The following RXRA variants were observed in gnomAD, a reference collection of about 807,000 sequenced individuals.
RXRA encodes retinoic acid receptor RXR-alpha.
In RXRA, 5 loss-of-function variants were observed where a neutral mutation model predicts 44.5. The ratio of observed to expected loss-of-function variants is 0.11; its 90% CI spans 0.06 to 0.24. RXRA has a LOEUF of 0.24. Among genes scored for constraint, RXRA ranks in the 10% least tolerant of loss-of-function variants. The pLI, the probability that RXRA is intolerant of heterozygous loss-of-function variation, is 1.00. For synonymous variants in RXRA, 291 were observed against 271.4 expected (o/e 1.07, Z -0.71); for missense variants, 412 against 646.5 (o/e 0.64, Z 3.93).
chr9:134,430,660 G>T (rs1490542834), intron 7 of RXRA, among the ~76,000 whole-genome samples: 2 of 152,192 alleles, frequency 1.3e-5, no homozygotes, highest in African/African-American at 4.8e-5. Flanking sequence ...GGGCTGCAGG[G>T]TGCAGTGTGC....
chr9:134,328,473 A>G (rs542965683), intron 1 of RXRA, among the ~76,000 whole-genome samples: 60 of 152,196 alleles, frequency 3.9e-4, no homozygotes, highest in African/African-American at 1.4e-3. Flanking sequence ...CTCCCCTGCC[A>G]CAAGGAAGCT....
rs1296050278 is a variant in RXRA at position 134,422,537 on chromosome 9, C to T, written c.910+732C>T. ...CCCGGGACACTCCCCCCTTCCGGGA[C>T]ACTCCCCCCTCCTGGGACAGTCCCC... is the stretch of plus-strand genomic sequence containing the variant. On this transcript the variant is annotated intron_variant, in intron 6 of 9. Transcript: ENST00000481739. 39 of 1,226,664 alleles carry T rather than the reference C, an allele frequency of 3.2e-5. No individual in the cohort carries two copies. In the African/African-American group the frequency reaches 5.6e-4, roughly 18 times the overall value. 76.0% of individuals were successfully genotyped at this position (1,226,664 alleles called of 1,614,324 possible).
intron 4 of RXRA, among the ~76,000 whole-genome samples, chr9:134,414,335 C>T (rs769509802): frequency 3.3e-5 from 5 of 152,274 alleles, no homozygotes; most frequent in Non-Finnish European, 7.3e-5. Context: ...GGGGCTACCT[C>T]TGAGCAGGAG....
At chr9:134,358,662 C>T (rs181986857) in intron 1 of RXRA, among the ~76,000 whole-genome samples, 1 of 152,316 alleles carries the variant, frequency 6.6e-6, no homozygotes, top group East Asian at 1.9e-4. Context: ...TAGGCCCTGC[C>T]CTCCCCTCCC....
chr9:134,326,729 G>T, intron 1 of RXRA, 70 bp downstream of exon 1: 1 of 309,166 alleles, frequency 3.2e-6, no homozygotes, highest in South Asian at 1.1e-4. Context: ...GGGGGCCGGG[G>T]GCGCGTTGGC....
At chr9:134,381,112 C>T (rs768666372) in intron 1 of RXRA, among the ~76,000 whole-genome samples, 3 of 152,122 alleles carry the variant, frequency 2.0e-5, no homozygotes, top group East Asian at 1.9e-4. Flanking sequence ...TCAGAGCCTG[C>T]GGTGGGCACT....
chr9:134,335,770 G>A (rs1829992611), intron 1 of RXRA, among the ~76,000 whole-genome samples: 1 of 152,098 alleles, frequency 6.6e-6, no homozygotes, highest in Admixed American at 6.5e-5. Flanking sequence ...ACCCCACCTC[G>A]GGGCCCTGGC....
rs571210272 is a variant in RXRA at position 134,340,700 on chromosome 9, C to T, written c.28+14041C>T. 5.3e-5 allele frequency among the ~76,000 whole-genome samples: 8 copies of T among 152,332 alleles called. No homozygotes were observed. The South Asian group carries it at 8.3e-4, about 16-fold the overall frequency. ...TGCCAGCAGTGCCTAAGCCACATGC[C>T]GTCCAGGCTGAGCAGGTAGATTGGA... On this transcript the variant is annotated intron_variant, in intron 1 of 9. Transcript: ENST00000481739.
At chr9:134,335,030 G>T (rs1554747123) in intron 1 of RXRA, among the ~76,000 whole-genome samples, 1 of 152,194 alleles carries the variant, frequency 6.6e-6, no homozygotes, top group Non-Finnish European at 1.5e-5. Flanking sequence ...TCAAGGCCAG[G>T]CTAGTCCTTC....
chr9:134,421,147 C>T (rs540838104), intron 5 of RXRA, among the ~76,000 whole-genome samples: 1 of 152,360 alleles, frequency 6.6e-6, no homozygotes, highest in African/African-American at 2.4e-5. Context: ...TGCTGTAACC[C>T]AGTGGCTGGA....
chr9:134,340,629 A>G (rs138944401), intron 1 of RXRA, among the ~76,000 whole-genome samples: 1 of 152,228 alleles, frequency 6.6e-6, no homozygotes, highest in Non-Finnish European at 1.5e-5. Context: ...GTCTCGGTGC[A>G]TGAGCCTCGA....
intron 1 of RXRA, chr9:134,373,892 C>T (rs965454551): frequency 3.9e-5 from 6 of 152,240 alleles, no homozygotes; most frequent in Admixed American, 6.5e-5. Flanking sequence ...CCAGGCTAGA[C>T]GTGAACTCCT....
At chr9:134,427,159 T>A (rs34229688) in intron 6 of RXRA, 4 of 983,834 alleles carry the variant, frequency 4.1e-6, no homozygotes, top group Admixed American at 6.2e-5. Context: ...AGATGTTTCA[T>A]TGGGCAAAAA....
chr9:134,400,671 C>T (rs548112212), intron 1 of RXRA, among the ~76,000 whole-genome samples: 22 of 152,306 alleles, frequency 1.4e-4, no homozygotes, highest in African/African-American at 5.1e-4. Flanking sequence ...CAGTGCCAGC[C>T]TCCAGGGTGC....
At chr9:134,424,743 A>G (rs1831405311) in intron 6 of RXRA, 4 of 985,330 alleles carry the variant, frequency 4.1e-6, no homozygotes, top group South Asian at 4.7e-5. Flanking sequence ...GTTAACTCCA[A>G]GGATACACTG....
At chr9:134,339,821 GTGTGTGTGTGTGAGTC>G (rs1256091078) in intron 1 of RXRA, among the ~76,000 whole-genome samples, 182 of 137,726 alleles carry the variant, frequency 1.3e-3, no homozygotes, top group African/African-American at 4.6e-3. Context: ...GCCTCTGTGT[GTGTGTGTGTGTGAGTC>G]TGTGTGTGTG....
chr9:134,370,281 A>C (rs1830475345), intron 1 of RXRA, among the ~76,000 whole-genome samples: 1 of 152,174 alleles, frequency 6.6e-6, no homozygotes, highest in South Asian at 2.1e-4. Context: ...GCTGCTGGGC[A>C]GTGTGACCTC....
intron 1 of RXRA, among the ~76,000 whole-genome samples, chr9:134,385,654 C>T (rs1830708969): frequency 6.6e-6 from 1 of 152,192 alleles, no homozygotes; most frequent in Admixed American, 6.5e-5. Context: ...GTGGTGGCCC[C>T]CGAACAATGC....
intron 1 of RXRA, among the ~76,000 whole-genome samples, chr9:134,377,180 C>G (rs1179065327): frequency 6.6e-6 from 1 of 152,220 alleles, no homozygotes; most frequent in Non-Finnish European, 1.5e-5. Context: ...CCATTCTCAC[C>G]CTGTCTGTGC....
Sources: gnomAD v4.1 joint callset for allele counts (sites outside exome capture counted in the v4.1 genomes callset) on GRCh38, gnomAD v4.1.1 for gene constraint, MANE v1.5 for transcripts, NCBI Gene and HGNC (gene_info 2026-07-23, HGNC 2026-07-21) for gene names.